SARDH: variants seen among roughly 807,000 people sequenced by gnomAD.
SARDH encodes the protein sarcosine dehydrogenase.
Under a neutral mutation model 109.1 loss-of-function variants are expected in SARDH, and 95 were observed. The observed-to-expected ratio is 0.87, with a 90% confidence interval of 0.74 to 1.03. SARDH has a LOEUF of 1.03. Among genes scored for constraint, SARDH ranks in the 50% least tolerant of loss-of-function variants. The probability of loss-of-function intolerance (pLI) is 0.00; values close to 1 mark genes in which losing one functional copy is unlikely to be tolerated. For synonymous variants in SARDH, 572 were observed against 534.8 expected (o/e 1.07, Z -0.96); for missense variants, 1,267 against 1,287.8 (o/e 0.98, Z 0.25).
At chr9:133,672,674 A>C (rs1156590250) in intron 17 of SARDH, among the ~76,000 whole-genome samples, 2 of 152,220 alleles carry the variant, frequency 1.3e-5, no homozygotes, top group African/African-American at 4.8e-5. Context: ...CGGGCTCTGA[A>C]GACAGCCATA....
At chr9:133,671,752 G>C (rs1158812369) in intron 17 of SARDH, 55 bp from the exon 18 acceptor site, 1 of 1,514,318 alleles carries the variant, frequency 6.6e-7, no homozygotes, top group African/African-American at 1.4e-5. Flanking sequence ...TGAGGTCCAG[G>C]CCCAGGCCAC....
intron 17 of SARDH, among the ~76,000 whole-genome samples, chr9:133,682,162 C>T (rs1039276298): frequency 1.3e-5 from 2 of 152,106 alleles, no homozygotes; most frequent in African/African-American, 2.4e-5. Context: ...AAGTTCCTCC[C>T]GGGGCCACTT....
At chr9:133,677,180 A>T (rs1268509266) in intron 17 of SARDH, among the ~76,000 whole-genome samples, 1 of 151,586 alleles carries the variant, frequency 6.6e-6, no homozygotes, top group East Asian at 1.9e-4. Flanking sequence ...CCCTGAAACC[A>T]CCCCTTGGCG....
rs1281644645 is a variant in SARDH at position 133,734,039 on chromosome 9, G to C, written c.135C>G (p.Thr45=). ...TAEKSVPYQR[T]LKEGQGTSVV... ...CCGAGGTGCCCTGTCCCTCCTTCAG[G>C]GTCCGCTGATATGGCACACTCTTCT... The change falls in exon 2 of 21, where the codon ACC becomes ACG. Residue 45 remains threonine, a synonymous_variant. Transcript: ENST00000439388. 1.2e-6 allele frequency: 2 copies of C among 1,613,364 alleles called. No individual in the cohort carries two copies. The highest frequency in any genetic ancestry group is 1.1e-5 in the South Asian group (1 of 91,090).
chr9:133,695,968 T>C (rs1395550141), intron 14 of SARDH, among the ~76,000 whole-genome samples: 2 of 151,362 alleles, frequency 1.3e-5, no homozygotes, highest in Non-Finnish European at 1.5e-5. Flanking sequence ...ACATCCTTTC[T>C]GGAAGAGTAG....
rs570757535 is a variant in SARDH at position 133,728,224 on chromosome 9, C to T, written c.915+1541G>A. 4.6e-5 allele frequency among the ~76,000 whole-genome samples: 7 copies of T among 152,164 alleles called. No individual in the cohort carries two copies. The highest frequency in any genetic ancestry group is 1.0e-4 in the Non-Finnish European group (7 of 68,010). ...AGCGCACAGGAGTCAGAGGCAGCAG[C>T]GCACTGGGACCCAGGTTCCGGCCCC... is the stretch of plus-strand genomic sequence containing the variant. On this transcript the variant is annotated intron_variant, in intron 6 of 20. Transcript: ENST00000439388. The surrounding 1 kb of genome is among the most constrained non-coding windows in gnomAD (Gnocchi z 5.0).
At chr9:133,670,354 A>G (rs909985334) in intron 19 of SARDH, among the ~76,000 whole-genome samples, 2 of 151,696 alleles carry the variant, frequency 1.3e-5, no homozygotes, top group African/African-American at 4.8e-5. Context: ...AAAAAGAGCA[A>G]ACTCTCTCTG....
In SARDH at chr9:133,708,364, C is replaced by G; in HGVS notation, c.1393G>C (p.Ala465Pro). The G allele has an allele frequency of 6.2e-7, 1 of 1,613,326 alleles. No individual in the cohort carries two copies. ...GGGAAGACGACGGAGTAGTTCTTGG[C>G]GTAGGACTCATGGCTTCGCTCTCGG... ...WIRERSHESY[A>P]KNYSVVFPHD... is the part of the protein sequence containing the mutation. Residue 465 changes from alanine (A) to proline (P), a missense_variant, in exon 11 of 21, where the codon GCC becomes CCC. By Grantham distance (27) the Ala-to-Pro change is conservative. Transcript: ENST00000439388.
At chr9:133,731,638 C>G (rs1832686050) in intron 3 of SARDH, among the ~76,000 whole-genome samples, 154 bp from the exon 4 acceptor site, 1 of 152,106 alleles carries the variant, frequency 6.6e-6, no homozygotes, top group Admixed American at 6.5e-5. Flanking sequence ...CCCTTGAATC[C>G]GCTTCAGCAT....
chr9:133,689,296 C>G (rs1047954802), intron 16 of SARDH, among the ~76,000 whole-genome samples: 14 of 151,958 alleles, frequency 9.2e-5, no homozygotes, highest in African/African-American at 3.4e-4. Context: ...AGAAGCAGTG[C>G]CCTCATCTCG....
At chr9:133,719,522 C>T (rs1178105511) in intron 6 of SARDH, among the ~76,000 whole-genome samples, 1 of 152,086 alleles carries the variant, frequency 6.6e-6, no homozygotes, top group Non-Finnish European at 1.5e-5. Context: ...CAGAGCCACC[C>T]CAGGTCCCTC....
intron 17 of SARDH, among the ~76,000 whole-genome samples, chr9:133,674,973 A>G (rs1025560348): frequency 6.6e-6 from 1 of 152,232 alleles, no homozygotes; most frequent in Non-Finnish European, 1.5e-5. Flanking sequence ...AGTCTTACAT[A>G]TGATAAGGGC....
intron 1 of SARDH, 124 bp from the exon 2 acceptor site, chr9:133,734,327 T>C (rs1274788899): frequency 6.3e-6 from 3 of 477,718 alleles, no homozygotes; most frequent in Non-Finnish European, 1.0e-5. Flanking sequence ...CACTTCCCCA[T>C]GGCATTCATT....
Position 133,693,694 on chromosome 9 carries a change from T to C in SARDH, c.1921+564A>G, listed in dbSNP as rs1026558640. Among the ~76,000 whole-genome samples the C allele has an allele frequency of 6.6e-6, 1 of 152,214 alleles. No homozygotes were observed. Among genetic ancestry groups the C allele is most frequent in the Non-Finnish European group, 1.5e-5 (1 of 68,034 alleles). On this transcript the variant is annotated intron_variant, in intron 15 of 20. Coordinates refer to ENST00000439388, the MANE Select transcript of SARDH (RefSeq NM_001134707.2). This position sits in a 1 kb window ranked among gnomAD's most constrained non-coding sequence, Gnocchi z 5.6. ...AGCTGAAGGGACAAGAGGCAGGTCCTGGCTCTGCGTAACAGTTGGGGCTGA... is the reference window on the plus strand; with the variant it reads ...AGCTGAAGGGACAAGAGGCAGGTCCCGGCTCTGCGTAACAGTTGGGGCTGA...
At chr9:133,681,953 T>C (rs1349995154) in intron 17 of SARDH, among the ~76,000 whole-genome samples, 4 of 144,886 alleles carry the variant, frequency 2.8e-5, no homozygotes, top group East Asian at 4.7e-4. Flanking sequence ...CTAGAAAGCA[T>C]TGTGCTTCTC....
rs1831774829 is a variant in SARDH, at chr9:133,708,291, T to C, written c.1466A>G (p.His489Arg). ...CAGGAGCTGTAGGGGCGTTACCTCG[T>C]GCAGCGGGTCTCTCCTCATGTTGCG... ...AGRNMRRDPLHEELLGQGCVF... is the reference protein window; with the variant it reads ...AGRNMRRDPLREELLGQGCVF... The change falls in exon 11 of 21, where the codon CAC becomes CGC. Residue 489 changes from histidine to arginine, a missense_variant. Coordinates refer to ENST00000439388, the MANE Select transcript of SARDH (RefSeq NM_001134707.2). The C allele has an allele frequency of 4.3e-6, 7 of 1,612,302 alleles. No homozygotes were observed. Among genetic ancestry groups the C allele is most frequent in the Non-Finnish European group, 5.1e-6 (6 of 1,179,292 alleles).
At chr9:133,735,033 C>A (rs1054223251) in intron 1 of SARDH, among the ~76,000 whole-genome samples, 1 of 152,078 alleles carries the variant, frequency 6.6e-6, no homozygotes, top group Non-Finnish European at 1.5e-5. Flanking sequence ...GAGACACTTG[C>A]GCTCCCAGAC....
At chr9:133,667,205 T>TTG in intron 19 of SARDH, 1 of 531,232 alleles carries the variant, frequency 1.9e-6, no homozygotes, top group Non-Finnish European at 3.3e-6. Flanking sequence ...TTTTTTTTTT[T>TTG]TTTTTTTTTT....
At chr9:133,695,465 A>T (rs1385145509) in intron 14 of SARDH, among the ~76,000 whole-genome samples, 2 of 152,160 alleles carry the variant, frequency 1.3e-5, no homozygotes, top group Non-Finnish European at 2.9e-5. Context: ...AACAAAAAAG[A>T]GAACACCTGG....
Sources: allele counts gnomAD v4.1 joint callset (sites outside exome capture counted in the v4.1 genomes callset), GRCh38; gene constraint gnomAD v4.1.1; non-coding constraint Gnocchi (gnomAD v3.1); transcripts MANE v1.5; gene names NCBI Gene and HGNC (gene_info 2026-07-23, HGNC 2026-07-21).